Variants in MEIG1 observed in about 807,000 individuals in gnomAD.
The protein encoded by MEIG1 is meiosis/spermiogenesis associated 1.
A neutral mutation model predicts 11.3 loss-of-function variants in MEIG1; 12 were observed. The ratio of observed to expected loss-of-function variants is 1.07; its 90% CI spans 0.68 to 1.73. The LOEUF (loss-of-function observed/expected upper bound fraction) is 1.73. Ranked by LOEUF, MEIG1 falls within the 40% of genes most tolerant of loss-of-function variation. The pLI is 0.00. For missense variants in MEIG1, 119 were observed against 104.9 expected (o/e 1.13, Z -0.59); for synonymous variants, 41 against 33.2 (o/e 1.24, Z -0.81).
At chr10:14,967,527 C>G (rs1843100433) in intron 2 of MEIG1, among the ~76,000 whole-genome samples, 1 of 143,188 alleles carries the variant, frequency 7.0e-6, no homozygotes, top group Non-Finnish European at 1.5e-5. Context: ...TTTTTTGAGA[C>G]AGAGTCTCAC....
chr10:14,980,132 T>C (rs115803424), intron 1 of MEIG1, among the ~76,000 whole-genome samples: 119 of 152,200 alleles, frequency 7.8e-4, no homozygotes, highest in African/African-American at 2.7e-3. Flanking sequence ...TTATTCGTAA[T>C]ATCCTAAGGG....
At chr10:14,964,585 G>GTGTGTA (rs1378376059) in intron 1 of MEIG1, among the ~76,000 whole-genome samples, 16 of 93,030 alleles carry the variant, frequency 1.7e-4, no homozygotes, top group African/African-American at 6.3e-4. Flanking sequence ...GTGTGTGTGT[G>GTGTGTA]TATATATATA....
chr10:14,981,328 G>A (rs993360229), intron 1 of MEIG1, among the ~76,000 whole-genome samples: 1 of 152,078 alleles, frequency 6.6e-6, no homozygotes, highest in African/African-American at 2.4e-5. Context: ...TAGCAGCAAA[G>A]AGCTGTGTTC....
At chr10:14,960,401 TG>T (rs1249433184) in intron 1 of MEIG1, among the ~76,000 whole-genome samples, 12 of 152,026 alleles carry the variant, frequency 7.9e-5, no homozygotes, top group Non-Finnish European at 1.5e-4. Flanking sequence ...GGAGTTGAGA[TG>T]GTGTTTTTTG....
Position 14,964,096 on chromosome 10 carries a change from CA to C in MEIG1, c.-29-2325del, listed in dbSNP as rs370368866. The stretch of plus-strand genomic sequence containing the variant: ...CTGGTGACAGAGCGAGACTCCGTCT[CA>C]AAAAAAAAAAAAAAAAAAGAATACA... On this transcript the variant is annotated intron_variant, in intron 1 of 2. Transcript: ENST00000407572. Among the ~76,000 whole-genome samples the C allele has an allele frequency of 3.0e-3, 349 of 117,824 alleles. 1 individual carries two copies. The highest frequency in any genetic ancestry group is 4.6e-3 in the Non-Finnish European group (259 of 55,968). The allele number at this position is 117,824 out of a possible 152,430, so 77.3% of individuals were successfully genotyped here. A position where few individuals can be genotyped will look rare whatever the true frequency, so the allele number is the denominator to read the frequency against.
At chr10:14,962,593 G>A (rs753654160) in intron 1 of MEIG1, among the ~76,000 whole-genome samples, 27 of 152,044 alleles carry the variant, frequency 1.8e-4, no homozygotes, top group Non-Finnish European at 3.8e-4. Context: ...TACATAGATG[G>A]CATTCAAGAA....
At chr10:14,959,817 AG>A (rs1277458004) in intron 1 of MEIG1, among the ~76,000 whole-genome samples, 1 of 152,176 alleles carries the variant, frequency 6.6e-6, no homozygotes, top group Non-Finnish European at 1.5e-5. Flanking sequence ...CATTGGCTTT[AG>A]GGGCCGCGTC....
chr10:14,968,112 A>G (rs189490063), intron 2 of MEIG1, among the ~76,000 whole-genome samples: 141 of 152,286 alleles, frequency 9.3e-4, no homozygotes, highest in Non-Finnish European at 1.8e-3. Flanking sequence ...TTCAGATTCT[A>G]ATGTGTAGAT....
At chr10:14,983,787 G>A (rs371870802) in intron 1 of MEIG1, among the ~76,000 whole-genome samples, 7 of 151,962 alleles carry the variant, frequency 4.6e-5, no homozygotes, top group East Asian at 1.9e-4. Context: ...CAGTGATACG[G>A]TCCTTAATAT....
intron 2 of MEIG1, chr10:14,987,341 G>A (rs1343622171): frequency 1.9e-5 from 15 of 792,086 alleles, no homozygotes; most frequent in Admixed American, 3.6e-5. Context: ...CAAGGACAGG[G>A]ACAGGGACAG....
downstream of MEIG1, among the ~76,000 whole-genome samples, chr10:14,975,761 A>G (rs1843203172): frequency 6.6e-6 from 1 of 152,084 alleles, no homozygotes; most frequent in South Asian, 2.1e-4. Context: ...CCAGGAGAGA[A>G]GAGGATGATG....
intron 2 of MEIG1, chr10:14,987,108 T>A: frequency 1.3e-6 from 1 of 743,394 alleles, no homozygotes; most frequent in South Asian, 1.4e-5. Context: ...ATTCTATACA[T>A]GCAAAAAAGG....
At chr10:14,987,202 C>A (rs996473312) in intron 2 of MEIG1, 12 of 975,786 alleles carry the variant, frequency 1.2e-5, no homozygotes, top group Non-Finnish European at 1.7e-5. Flanking sequence ...CCTTGGGAAC[C>A]GTGGCCGAAG....
upstream of MEIG1, among the ~76,000 whole-genome samples, chr10:14,957,882 G>A (rs1028406643): frequency 4.6e-5 from 7 of 152,072 alleles, no homozygotes; most frequent in Admixed American, 2.6e-4. Context: ...TCCTGACCTC[G>A]TGATCTGCCC....
Position 14,972,625 on chromosome 10 carries a change from A to G in MEIG1, c.251A>G (p.Lys84Arg). 1 of 1,611,162 alleles carries G rather than the reference A, an allele frequency of 6.2e-7. No individual in the cohort carries two copies. The highest frequency in any genetic ancestry group is 1.1e-5 in the South Asian group (1 of 90,330). Residue 84 changes from lysine to arginine, a missense_variant, in exon 3 of 3, where the codon AAA becomes AGA. Coordinates refer to ENST00000407572, the MANE Select transcript of MEIG1 (RefSeq NM_001080836.3). Reference sequence around the variant, plus strand: ...GATGACAAAGAAGTCCACAAAGTGAAAATTTATGCTTACTAGCCTGTCTTC... The same window carrying G: ...GATGACAAAGAAGTCCACAAAGTGAGAATTTATGCTTACTAGCCTGTCTTC... ...ECDDKEVHKV[K>R]IYAY
downstream of MEIG1, among the ~76,000 whole-genome samples, chr10:14,976,220 C>A (rs1843208283): frequency 3.9e-5 from 6 of 152,170 alleles, no homozygotes; most frequent in South Asian, 1.2e-3. Context: ...TTTCCATATT[C>A]TAGCAAGATG....
chr10:14,977,658 GTACCCCATGTGGGTA>G (rs1156557751), downstream of MEIG1, among the ~76,000 whole-genome samples: 3 of 150,758 alleles, frequency 2.0e-5, no homozygotes, highest in African/African-American at 7.3e-5. Context: ...CACAGTGGGT[GTACCCCATGTGGGTA>G]TACCCTGTGA....
rs774115286 is a variant in MEIG1 at position 14,967,501 on chromosome 10, GAT to G, written c.138+898_138+899del. Reference sequence around the variant, plus strand: ...ACTTATTTATTCTCTTGGCTACTAAGATATTTTTTTTTTTTTTTTTTGAGACA... The same window carrying G: ...ACTTATTTATTCTCTTGGCTACTAAGATTTTTTTTTTTTTTTTTTGAGACA... On this transcript the variant is annotated intron_variant, in intron 2 of 2. Coordinates refer to ENST00000407572, the MANE Select transcript of MEIG1 (RefSeq NM_001080836.3). 9.3e-5 allele frequency among the ~76,000 whole-genome samples: 9 copies of G among 97,274 alleles called. No homozygotes were observed. The South Asian group carries it at 1.9e-3, about 20-fold the overall frequency. 63.8% of individuals were successfully genotyped at this position (97,274 alleles called of 152,430 possible).
At position 14,972,818 on chromosome 10, in the gene MEIG1, T is replaced by A; in HGVS notation, c.*177T>A. 1.8e-6 allele frequency: 1 copy of A among 547,446 alleles called. No homozygotes were observed. Among genetic ancestry groups the A allele is most frequent in the Non-Finnish European group, 3.2e-6 (1 of 317,284 alleles). 33.9% of individuals were successfully genotyped at this position (547,446 alleles called of 1,614,324 possible). On this transcript the variant is annotated 3_prime_UTR_variant, in exon 3 of 3. Coordinates refer to ENST00000407572, the MANE Select transcript of MEIG1 (RefSeq NM_001080836.3). The stretch of plus-strand genomic sequence containing the variant: ...AATCACCTTGTCCTGTTCTAAGAAC[T>A]GGCTGCAGATGCATTAAAGTTGTAC...
Sources: gnomAD v4.1 joint callset for allele counts (sites outside exome capture counted in the v4.1 genomes callset) on GRCh38, gnomAD v4.1.1 for gene constraint, MANE v1.5 for transcripts, NCBI Gene and HGNC (gene_info 2026-07-23, HGNC 2026-07-21) for gene names.